The following SCN9A variants were observed in gnomAD, a reference collection of about 807,000 sequenced individuals.
The protein encoded by SCN9A is sodium voltage-gated channel alpha subunit 9, also known as sodium channel protein type 9 subunit alpha.
SCN9A carries 131 observed loss-of-function variants against 187.0 expected under a neutral mutation model. The observed-to-expected ratio is 0.70, with a 90% confidence interval of 0.61 to 0.81. The LOEUF is 0.81. Ranked by LOEUF, SCN9A falls within the 30% of genes least tolerant of loss-of-function variation. The probability of loss-of-function intolerance (pLI) is 0.00; values close to 1 mark genes in which losing one functional copy is unlikely to be tolerated. For synonymous variants in SCN9A, 809 were observed against 808.6 expected (o/e 1.00, Z -0.01); for missense variants, 2,252 against 2,396.6 (o/e 0.94, Z 1.26).
chr2:166,240,634 T>C (rs1234444944), intron 19 of SCN9A, among the ~76,000 whole-genome samples: 2 of 152,212 alleles, frequency 1.3e-5, no homozygotes, highest in Non-Finnish European at 1.5e-5. Context: ...TCATGATTTC[T>C]ACTTGGATGA....
chr2:166,343,502 A>G (rs1699832381), intron 1 of SCN9A, among the ~76,000 whole-genome samples: 1 of 152,178 alleles, frequency 6.6e-6, no homozygotes, highest in Non-Finnish European at 1.5e-5. Context: ...ATAGGATGGT[A>G]TTAAGAACTA....
At chr2:166,344,968 G>A (rs888981153) in intron 1 of SCN9A, among the ~76,000 whole-genome samples, 2 of 152,046 alleles carry the variant, frequency 1.3e-5, no homozygotes, top group African/African-American at 4.8e-5. Context: ...GGAACTAAAT[G>A]GAAGCTTTGA....
chr2:166,258,548 A>T (rs977917568), intron 17 of SCN9A, among the ~76,000 whole-genome samples: 1 of 151,554 alleles, frequency 6.6e-6, no homozygotes, highest in African/African-American at 2.4e-5. Flanking sequence ...GAGTTGATTT[A>T]AAAAAATAAA....
At chr2:166,298,313 T>G (rs947361992) in intron 7 of SCN9A, among the ~76,000 whole-genome samples, 1 of 152,214 alleles carries the variant, frequency 6.6e-6, no homozygotes, top group Non-Finnish European at 1.5e-5. Context: ...TAGCCCAATA[T>G]AACCACAGTA....
chr2:166,358,431 C>A (rs1700203936), intron 1 of SCN9A, among the ~76,000 whole-genome samples: 1 of 152,086 alleles, frequency 6.6e-6, no homozygotes, highest in Non-Finnish European at 1.5e-5. Context: ...GGTCAGGGAT[C>A]TTTTCATATC....
intron 21 of SCN9A, among the ~76,000 whole-genome samples, chr2:166,231,890 G>A (rs568843234): frequency 6.6e-6 from 1 of 152,126 alleles, no homozygotes; most frequent in African/African-American, 2.4e-5. Flanking sequence ...GTGTTAAATT[G>A]CTCAGAGAAG....
At chr2:166,305,297 G>A (rs1238492747) in intron 5 of SCN9A, among the ~76,000 whole-genome samples, 2 of 151,974 alleles carry the variant, frequency 1.3e-5, no homozygotes, top group African/African-American at 4.8e-5. Flanking sequence ...TAAACTGAGT[G>A]TATATATAAT....
At position 166,270,437 on chromosome 2, in the gene SCN9A, C is replaced by T. The variant is rs557279439; in HGVS notation, c.3351+1962G>A. ...CTCTGTGGGGGGCCTTCAAACTACT[C>T]GCCCATAGATATCGAGGGATGACTA... On this transcript the variant is annotated intron_variant, in intron 17 of 26. Transcript: ENST00000642356. Among the ~76,000 whole-genome samples the T allele has an allele frequency of 7.3e-5, 11 of 151,672 alleles. 1 individual carries two copies. Among genetic ancestry groups the T allele is most frequent in the African/African-American group, 1.7e-4 (7 of 41,402 alleles).
chr2:166,307,421 G>A (rs1020234109), intron 2 of SCN9A, among the ~76,000 whole-genome samples: 1 of 152,090 alleles, frequency 6.6e-6, no homozygotes, highest in Non-Finnish European at 1.5e-5. Context: ...CCATTACACT[G>A]CATTTTAAGA....
At chr2:166,362,085 G>C (rs1026734499) in intron 1 of SCN9A, among the ~76,000 whole-genome samples, 3 of 152,066 alleles carry the variant, frequency 2.0e-5, no homozygotes, top group Admixed American at 6.6e-5. Flanking sequence ...CTACTCATAA[G>C]ATTTTTGATG....
intron 24 of SCN9A, among the ~76,000 whole-genome samples, chr2:166,206,180 T>C (rs1350470867): frequency 2.0e-5 from 3 of 152,116 alleles, no homozygotes; most frequent in Non-Finnish European, 4.4e-5. Flanking sequence ...ACTCAAGGGA[T>C]TGTAAATCAT....
intron 11 of SCN9A, among the ~76,000 whole-genome samples, chr2:166,286,061 C>G (rs1319033906): frequency 6.6e-6 from 1 of 152,104 alleles, no homozygotes; most frequent in Non-Finnish European, 1.5e-5. Flanking sequence ...CTCTTTATTT[C>G]TACAATGGTT....
chr2:166,281,761 G>C lies in SCN9A; in HGVS notation c.2022C>G (p.Leu674=). ...IHKKRRCSSY[L]LSEDMLNDPN... The stretch of plus-strand genomic sequence containing the variant: ...GATCATTCAGCATATCCTCTGAAAG[G>C]AGATAGGAACTACAACGCCTTTTCT... Residue 674 remains leucine (L), a synonymous_variant, in exon 13 of 27, where the codon CTC becomes CTG. Coordinates refer to ENST00000642356, the MANE Select transcript of SCN9A (RefSeq NM_001365536.1). 1.2e-6 allele frequency: 2 copies of C among 1,613,210 alleles called. No homozygotes were observed. The highest frequency in any genetic ancestry group is 1.7e-6 in the Non-Finnish European group (2 of 1,179,472).
rs531803128 is a variant in SCN9A at position 166,308,707 on chromosome 2, C to T, written c.259-1633G>A. On this transcript the variant is annotated intron_variant, in intron 2 of 26. Transcript: ENST00000642356. ...GGAGGCCAAGGTGGGCAGAACACAA[C>T]GTCAGGAGATCGAGACCATCCTGGC... Among the ~76,000 whole-genome samples, 4 of 151,862 alleles carry T rather than the reference C, an allele frequency of 2.6e-5. No individual in the cohort carries two copies. In the East Asian group the frequency reaches 5.8e-4, roughly 22 times the overall value.
chr2:166,218,482 C>T (rs1269789304), intron 24 of SCN9A, among the ~76,000 whole-genome samples: 2 of 151,924 alleles, frequency 1.3e-5, no homozygotes, highest in Non-Finnish European at 2.9e-5. Flanking sequence ...AGGTGGTTGC[C>T]ATAGGACTGG....
At chr2:166,306,111 C>T (rs946008450) in intron 4 of SCN9A, among the ~76,000 whole-genome samples, 191 bp from the exon 5 acceptor site, 1 of 151,974 alleles carries the variant, frequency 6.6e-6, no homozygotes, top group Admixed American at 6.6e-5. Context: ...ATCAGAAACA[C>T]TCCCAGAAAG....
At chr2:166,300,303 C>T (rs1350623211) in intron 7 of SCN9A, among the ~76,000 whole-genome samples, 1 of 150,804 alleles carries the variant, frequency 6.6e-6, no homozygotes. Flanking sequence ...CCATACCCTC[C>T]CTTTATTCAG....
chr2:166,248,545 A>G (rs1199248308), intron 18 of SCN9A, among the ~76,000 whole-genome samples: 1 of 151,846 alleles, frequency 6.6e-6, no homozygotes, highest in Non-Finnish European at 1.5e-5. Flanking sequence ...TCGCCCTTCC[A>G]CTCTTAAGAT....
At chr2:166,338,378 T>G (rs1267112506) in intron 1 of SCN9A, among the ~76,000 whole-genome samples, 2 of 152,098 alleles carry the variant, frequency 1.3e-5, no homozygotes, top group Admixed American at 6.6e-5. Flanking sequence ...TATATTAAAA[T>G]TATACAAGAT....
Sources: allele counts gnomAD v4.1 joint callset (sites outside exome capture counted in the v4.1 genomes callset), GRCh38; gene constraint gnomAD v4.1.1; transcripts MANE v1.5; gene names NCBI Gene and HGNC (gene_info 2026-07-23, HGNC 2026-07-21).